Variants in TCF7L2 observed in about 807,000 individuals in gnomAD.
TCF7L2 encodes transcription factor 7-like 2.
In TCF7L2, 23 loss-of-function variants were observed where a neutral mutation model predicts 77.9. That is an observed-to-expected ratio of 0.30 (90% CI 0.21 to 0.42). The LOEUF is 0.42. TCF7L2 is among the 10% of genes least tolerant of loss of function. TCF7L2 has a pLI of 1.00. For synonymous variants in TCF7L2, 413 were observed against 340.2 expected (o/e 1.21, Z -2.36); for missense variants, 654 against 793.1 (o/e 0.82, Z 2.11).
At chr10:112,962,346 G>C (rs1362433539) in intron 3 of TCF7L2, among the ~76,000 whole-genome samples, 1 of 142,448 alleles carries the variant, frequency 7.0e-6, no homozygotes, top group Non-Finnish European at 1.5e-5. Flanking sequence ...TGAAAAGAGA[G>C]GGACAAGTTG....
intron 5 of TCF7L2, among the ~76,000 whole-genome samples, chr10:113,050,340 A>C (rs2134529488): frequency 6.6e-6 from 1 of 152,266 alleles, no homozygotes; most frequent in South Asian, 2.1e-4. Flanking sequence ...GAAAGCTGAG[A>C]GCGGTACAGC....
At chr10:113,101,331 G>T (rs1358840009) in intron 5 of TCF7L2, among the ~76,000 whole-genome samples, 2 of 151,988 alleles carry the variant, frequency 1.3e-5, no homozygotes, top group African/African-American at 4.8e-5. Flanking sequence ...TCGCTTGAAG[G>T]CAGGAGTTTG....
At chr10:113,139,296 T>C (rs1253123487) in intron 5 of TCF7L2, among the ~76,000 whole-genome samples, 1 of 152,160 alleles carries the variant, frequency 6.6e-6, no homozygotes, top group Admixed American at 6.5e-5. Context: ...CTTTTCCTTC[T>C]CCACCTCAGC....
At chr10:113,053,335 G>A (rs1252190408) in intron 5 of TCF7L2, among the ~76,000 whole-genome samples, 2 of 152,180 alleles carry the variant, frequency 1.3e-5, no homozygotes, top group African/African-American at 2.4e-5. Flanking sequence ...GTGTCTGGAT[G>A]CCTATGTGAG....
chr10:113,149,150 T>A (rs2070181984), intron 8 of TCF7L2, among the ~76,000 whole-genome samples: 1 of 152,242 alleles, frequency 6.6e-6, no homozygotes. Context: ...GTTCTTAACT[T>A]CTGTTTCCTC....
At chr10:112,963,085 A>T (rs1272186626) in intron 3 of TCF7L2, among the ~76,000 whole-genome samples, 1 of 152,064 alleles carries the variant, frequency 6.6e-6, no homozygotes, top group Non-Finnish European at 1.5e-5. Flanking sequence ...AAGCAGACTT[A>T]CATTATATCT....
At chr10:113,158,179 G>A (rs905328178) in intron 12 of TCF7L2, 110 bp downstream of exon 12, 2 of 1,164,366 alleles carry the variant, frequency 1.7e-6, no homozygotes, top group African/African-American at 1.5e-5. Flanking sequence ...AGGACATTGT[G>A]GGGGAACCCT....
chr10:112,955,565 T>C (rs1236110059), intron 3 of TCF7L2, among the ~76,000 whole-genome samples: 1 of 152,232 alleles, frequency 6.6e-6, no homozygotes, highest in African/African-American at 2.4e-5. Context: ...TTGGAAACTT[T>C]TGACTGTTTA....
At chr10:113,074,491 CT>C (rs1191070771) in intron 5 of TCF7L2, among the ~76,000 whole-genome samples, 2 of 152,162 alleles carry the variant, frequency 1.3e-5, no homozygotes, top group African/African-American at 4.8e-5. Context: ...AATCCTGTCA[CT>C]TCATACATTT....
At chr10:113,135,567 C>T (rs1233862776) in intron 5 of TCF7L2, among the ~76,000 whole-genome samples, 1 of 152,138 alleles carries the variant, frequency 6.6e-6, no homozygotes, top group Non-Finnish European at 1.5e-5. Context: ...AATGGTTCGG[C>T]TTTTTAGTAG....
intron 5 of TCF7L2, among the ~76,000 whole-genome samples, chr10:113,103,036 G>T (rs1189604761): frequency 6.6e-6 from 1 of 152,154 alleles, no homozygotes; most frequent in Non-Finnish European, 1.5e-5. Flanking sequence ...TGCTCAATTT[G>T]TGGGAACCAT....
At chr10:113,116,901 TAA>T (rs2063798182) in intron 5 of TCF7L2, among the ~76,000 whole-genome samples, 1 of 152,204 alleles carries the variant, frequency 6.6e-6, no homozygotes, top group South Asian at 2.1e-4. Context: ...TTCTTGTCCA[TAA>T]ATTGTTGATT....
chr10:113,093,299 T>A (rs1353320160), intron 5 of TCF7L2, among the ~76,000 whole-genome samples: 1 of 152,124 alleles, frequency 6.6e-6, no homozygotes, highest in African/African-American at 2.4e-5. Flanking sequence ...GCAATATCCA[T>A]AAGATCACAC....
At chr10:113,050,614 C>A (rs2054252462) in intron 5 of TCF7L2, among the ~76,000 whole-genome samples, 1 of 152,044 alleles carries the variant, frequency 6.6e-6, no homozygotes, top group Non-Finnish European at 1.5e-5. Context: ...TGGGAGTATT[C>A]AGTTGGAACT....
At chr10:113,088,145 T>A (rs532315236) in intron 5 of TCF7L2, among the ~76,000 whole-genome samples, 54 of 152,314 alleles carry the variant, frequency 3.5e-4, no homozygotes, top group Non-Finnish European at 5.1e-4. Flanking sequence ...TTCTTTTTTT[T>A]TAAAAAGAAA....
chr10:112,992,117 G>A (rs1334251539), intron 4 of TCF7L2, among the ~76,000 whole-genome samples: 6 of 152,250 alleles, frequency 3.9e-5, no homozygotes, highest in African/African-American at 4.8e-5. Flanking sequence ...GACTCCAGGC[G>A]GCCTGTTGGT....
In TCF7L2 at chr10:113,151,233, T is replaced by A; in HGVS notation, c.1001+110T>A. On this transcript the variant is annotated intron_variant, in intron 9 of 13. Transcript: ENST00000627217. This position sits in a 1 kb window ranked among gnomAD's most constrained non-coding sequence, Gnocchi z 5.2. ...TAAGGTTGGCCTCGTTTGGTTTGACTGCAGCCAATACCCAGCCTGTGTGGG... is the reference window on the plus strand; with the variant it reads ...TAAGGTTGGCCTCGTTTGGTTTGACAGCAGCCAATACCCAGCCTGTGTGGG... The A allele has an allele frequency of 6.9e-7, 1 of 1,458,208 alleles. No individual in the cohort carries two copies. The highest frequency in any genetic ancestry group is 9.4e-7 in the Non-Finnish European group (1 of 1,059,216). 90.3% of individuals were successfully genotyped at this position (1,458,208 alleles called of 1,614,324 possible).
At chr10:113,087,417 T>C (rs1026862980) in intron 5 of TCF7L2, among the ~76,000 whole-genome samples, 1 of 152,220 alleles carries the variant, frequency 6.6e-6, no homozygotes, top group Non-Finnish European at 1.5e-5. Flanking sequence ...GGGTTCCTTC[T>C]AGAAACAATT....
chr10:112,951,745 C>G (rs1258963828), intron 3 of TCF7L2, 138 bp downstream of exon 3: 1 of 328,206 alleles, frequency 3.0e-6, no homozygotes, highest in East Asian at 1.5e-4. Flanking sequence ...CCCTCCCCCG[C>G]TCGTGGCCCA....
Sources: gnomAD v4.1 joint callset for allele counts (sites outside exome capture counted in the v4.1 genomes callset) on GRCh38, gnomAD v4.1.1 for gene constraint, Gnocchi (gnomAD v3.1) non-coding constraint, MANE v1.5 for transcripts, NCBI Gene and HGNC (gene_info 2026-07-23, HGNC 2026-07-21) for gene names.